DLGAP2: variants seen among roughly 807,000 people sequenced by gnomAD.
The protein encoded by DLGAP2 is DLG associated protein 2.
Under a neutral mutation model 100.3 loss-of-function variants are expected in DLGAP2, and 26 were observed. The ratio of observed to expected loss-of-function variants is 0.26; its 90% confidence interval spans 0.19 to 0.36. DLGAP2 has a LOEUF of 0.36. DLGAP2 is among the 10% of genes least tolerant of loss of function. The pLI is 1.00. For synonymous variants in DLGAP2, 886 were observed against 630.1 expected (o/e 1.41, Z -6.08); for missense variants, 1,858 against 1,453.2 (o/e 1.28, Z -4.53).
intron 3 of DLGAP2, among the ~76,000 whole-genome samples, chr8:1,357,327 G>C (rs1014028166): frequency 2.0e-5 from 3 of 151,856 alleles, no homozygotes; most frequent in African/African-American, 7.3e-5. Flanking sequence ...TGGATGGCCA[G>C]ACTCATCACA....
intron 2 of DLGAP2, among the ~76,000 whole-genome samples, chr8:1,177,635 C>T (rs566850695): frequency 6.6e-6 from 1 of 152,330 alleles, no homozygotes; most frequent in South Asian, 2.1e-4. Context: ...ATTTGGGCAG[C>T]TGTCACAAAT....
In DLGAP2 at chr8:1,597,775, C is replaced by A. The variant is rs553554514; in HGVS notation, c.1443-28965C>A. Among the ~76,000 whole-genome samples the A allele has an allele frequency of 3.9e-5, 6 of 152,290 alleles. No homozygotes were observed. The South Asian group carries it at 1.2e-3, about 32-fold the overall frequency. ...GGCTTAAGGAGATTTAGGGCTGAGA[C>A]AATGGGGTTTTCTACATATACAATC... is the stretch of plus-strand genomic sequence containing the variant. On this transcript the variant is annotated intron_variant, in intron 6 of 14. Transcript: ENST00000637795.
chr8:1,517,321 A>C (rs1391834854), intron 4 of DLGAP2, among the ~76,000 whole-genome samples: 2 of 152,172 alleles, frequency 1.3e-5, no homozygotes, highest in Non-Finnish European at 2.9e-5. Flanking sequence ...AGACCTAGGC[A>C]GGGATGGAAG....
At chr8:1,366,000 G>A (rs1802099877) in intron 3 of DLGAP2, among the ~76,000 whole-genome samples, 3 of 152,194 alleles carry the variant, frequency 2.0e-5, no homozygotes, top group Non-Finnish European at 2.9e-5. Context: ...CTCCCCTCAC[G>A]GCACCGTCCA....
intron 2 of DLGAP2, among the ~76,000 whole-genome samples, chr8:919,922 C>A (rs1424678286): frequency 6.6e-6 from 1 of 152,056 alleles, no homozygotes; most frequent in East Asian, 1.9e-4. Context: ...TTAATAACTC[C>A]CTTCCACCCC....
chr8:1,308,736 G>C (rs1176859158), intron 3 of DLGAP2, among the ~76,000 whole-genome samples: 1 of 152,014 alleles, frequency 6.6e-6, no homozygotes, highest in Non-Finnish European at 1.5e-5. Flanking sequence ...TGTTGGTCAG[G>C]CTGGTCTTGA....
At chr8:1,563,208 A>G (rs1236988064) in intron 5 of DLGAP2, among the ~76,000 whole-genome samples, 1 of 28,240 alleles carries the variant, frequency 3.5e-5, no homozygotes, top group Admixed American at 7.7e-4. Context: ...GCGCCTCGTT[A>G]CTGGGGGACT....
intron 1 of DLGAP2, among the ~76,000 whole-genome samples, chr8:855,388 T>A (rs1261141127): frequency 2.0e-5 from 3 of 151,926 alleles, no homozygotes; most frequent in Non-Finnish European, 4.4e-5. Flanking sequence ...CAAAGCTGAG[T>A]GTGAGCTGCA....
chr8:1,626,929 C>A (rs1301425006), intron 7 of DLGAP2, 42 bp downstream of exon 7: 3 of 1,554,236 alleles, frequency 1.9e-6, no homozygotes, highest in Non-Finnish European at 2.6e-6. Flanking sequence ...TCCAGTCTCC[C>A]CAGCCAGGCT....
chr8:799,212 C>G (rs1268795716), intron 1 of DLGAP2, among the ~76,000 whole-genome samples: 1 of 152,184 alleles, frequency 6.6e-6, no homozygotes, highest in Non-Finnish European at 1.5e-5. Context: ...AGCCTGGGCT[C>G]CTTTCTCGGG....
At chr8:1,426,322 C>A (rs28493074) in intron 3 of DLGAP2, among the ~76,000 whole-genome samples, 7 of 152,060 alleles carry the variant, frequency 4.6e-5, no homozygotes, top group Admixed American at 3.9e-4. Flanking sequence ...CGACTCCAGA[C>A]TAGATCTGCT....
intron 2 of DLGAP2, among the ~76,000 whole-genome samples, chr8:938,809 G>C (rs1263450121): frequency 2.0e-5 from 3 of 152,202 alleles, no homozygotes; most frequent in Non-Finnish European, 4.4e-5. Context: ...AGGGAACCCA[G>C]GTCTCGGCTC....
chr8:1,051,723 G>A (rs746845900), intron 2 of DLGAP2, among the ~76,000 whole-genome samples: 1 of 151,924 alleles, frequency 6.6e-6, no homozygotes, highest in East Asian at 1.9e-4. Flanking sequence ...TGCAGATCCC[G>A]CCACGCTCAG....
chr8:1,008,795 G>C (rs564082853), intron 2 of DLGAP2, among the ~76,000 whole-genome samples: 2 of 152,184 alleles, frequency 1.3e-5, no homozygotes, highest in Non-Finnish European at 2.9e-5. Flanking sequence ...ATGGTGCTGC[G>C]CCCCCACTGG....
intron 2 of DLGAP2, among the ~76,000 whole-genome samples, chr8:987,667 C>T (rs1800527124): frequency 6.6e-6 from 1 of 152,104 alleles, no homozygotes; most frequent in Non-Finnish European, 1.5e-5. Context: ...TGCTGTCTTC[C>T]CCTTGAATAG....
intron 4 of DLGAP2, among the ~76,000 whole-genome samples, chr8:1,525,566 A>G (rs1430682255): frequency 6.6e-6 from 1 of 152,236 alleles, no homozygotes; most frequent in South Asian, 2.1e-4. Context: ...CAGAAGCTCC[A>G]CACTTCTAAA....
intron 2 of DLGAP2, among the ~76,000 whole-genome samples, chr8:1,225,461 G>A (rs575094367): frequency 2.0e-5 from 3 of 152,194 alleles, no homozygotes; most frequent in African/African-American, 7.2e-5. Flanking sequence ...ACTAGGGTGG[G>A]GTTTCCTTTT....
Position 1,601,945 on chromosome 8 carries a change from G to GATGTGTGTGTGTGTGTGT in DLGAP2, c.1443-24795_1443-24794insATGTGTGTGTGTGTGTGT, listed in dbSNP as rs1554506576. 5.7e-4 allele frequency among the ~76,000 whole-genome samples: 83 copies of GATGTGTGTGTGTGTGTGT among 146,454 alleles called. 1 individual carries two copies. Among genetic ancestry groups the GATGTGTGTGTGTGTGTGT allele is most frequent in the Middle Eastern group, 6.9e-3 (2 of 288 alleles). On this transcript the variant is annotated intron_variant, in intron 6 of 14. Transcript: ENST00000637795. ...TGATCCTAAAACCTTAATTTAACAG[G>GATGTGTGTGTGTGTGTGT]GTGTGTGTGTGTGTGTGTGTGTGTG...
At chr8:1,542,070 G>A (rs1219356424) in intron 4 of DLGAP2, among the ~76,000 whole-genome samples, 1 of 152,180 alleles carries the variant, frequency 6.6e-6, no homozygotes, top group Non-Finnish European at 1.5e-5. Flanking sequence ...GGAGAAGGAG[G>A]AGATTTAGAA....
Sources: gnomAD v4.1 joint callset for allele counts (sites outside exome capture counted in the v4.1 genomes callset) on GRCh38, gnomAD v4.1.1 for gene constraint, MANE v1.5 for transcripts, NCBI Gene and HGNC (gene_info 2026-07-23, HGNC 2026-07-21) for gene names.